DNASE1: variants seen among roughly 807,000 people sequenced by gnomAD.
DNASE1 encodes deoxyribonuclease-1.
In DNASE1, 40 loss-of-function variants were observed where a neutral mutation model predicts 33.9. That is an observed-to-expected ratio of 1.18 (90% CI 0.92 to 1.54). The LOEUF (loss-of-function observed/expected upper bound fraction) is 1.54, where lower values mean the gene tolerates loss of function less well. DNASE1 is among the 40% of genes most tolerant of loss of function. The pLI is 0.00. For synonymous variants in DNASE1, 216 were observed against 160.0 expected (o/e 1.35, Z -2.64); for missense variants, 518 against 372.6 (o/e 1.39, Z -3.21).
downstream of DNASE1, chr16:3,662,814 G>T: frequency 6.7e-7 from 1 of 1,502,178 alleles, no homozygotes; most frequent in Non-Finnish European, 9.2e-7. Flanking sequence ...GGTACTGGGA[G>T]CCACCAGCTG....
chr16:3,665,446 A>C (rs543884342), exon 10 of DNASE1: 1 of 154,206 alleles, frequency 6.5e-6, no homozygotes. Context: ...TATCTCAATA[A>C]AAAATGGACA....
chr16:3,627,881 C>A (rs2041565061), intron 1 of DNASE1, among the ~76,000 whole-genome samples: 1 of 136,946 alleles, frequency 7.3e-6, no homozygotes, highest in Non-Finnish European at 1.5e-5. Context: ...ATGGTGTTGG[C>A]TATCTGGGGT....
upstream of DNASE1, among the ~76,000 whole-genome samples, chr16:3,639,656 TTATGC>T (rs1482946546): frequency 1.3e-5 from 2 of 152,274 alleles, no homozygotes; most frequent in Non-Finnish European, 2.9e-5. Context: ...TTAATAATTC[TTATGC>T]TAAACTTCCC....
intron 1 of DNASE1, among the ~76,000 whole-genome samples, chr16:3,627,985 T>C (rs55685525): frequency 0.061 from 9,256 of 151,222 alleles, 302 homozygotes; most frequent in Admixed American, 0.073. Context: ...TGCTTCAGTT[T>C]ACATATGAAT....
intron 1 of DNASE1, among the ~76,000 whole-genome samples, chr16:3,616,640 A>G (rs2151153916): frequency 7.5e-6 from 1 of 133,804 alleles, no homozygotes; most frequent in African/African-American, 2.9e-5. Context: ...AATTAAATAA[A>G]TAAATAAATA....
At chr16:3,619,526 T>G (rs1041229473) in intron 1 of DNASE1, among the ~76,000 whole-genome samples, 43 of 148,320 alleles carry the variant, frequency 2.9e-4, no homozygotes, top group African/African-American at 9.0e-4. Context: ...CACGCCTAGC[T>G]CCATTTTTGT....
chr16:3,644,904 G>A lies in DNASE1; in HGVS notation c.-86+1868G>A, dbSNP rs180740669. 2.0e-5 allele frequency among the ~76,000 whole-genome samples: 3 copies of A among 151,830 alleles called. No individual in the cohort carries two copies. The East Asian group carries it at 5.9e-4, about 30-fold the overall frequency. On this transcript the variant is annotated intron_variant, in intron 1 of 9. Transcript: ENST00000407479. The stretch of plus-strand genomic sequence containing the variant: ...AGCACTTTGGGAGGCCAAGGCAGGC[G>A]GATCACTTGGGCTTAGGAGTTCGAG...
At chr16:3,630,636 T>C (rs1218059954) in intron 1 of DNASE1, among the ~76,000 whole-genome samples, 2 of 152,206 alleles carry the variant, frequency 1.3e-5, no homozygotes, top group East Asian at 1.9e-4. Context: ...TTTTGTCTTA[T>C]AGTAATAGAG....
chr16:3,645,475 A>G (rs887022724), intron 1 of DNASE1, among the ~76,000 whole-genome samples: 14 of 152,244 alleles, frequency 9.2e-5, no homozygotes, highest in Non-Finnish European at 1.6e-4. Context: ...CGGGTGTGCT[A>G]ACCTCCCTGG....
At chr16:3,654,162 G>A (rs1334582685), upstream of DNASE1, 9 of 393,280 alleles carry the variant, frequency 2.3e-5, no homozygotes, top group Admixed American at 4.0e-4. Flanking sequence ...TGGACCTGAG[G>A]CCTGGCCTTT....
At chr16:3,619,226 G>C (rs925399694) in intron 1 of DNASE1, among the ~76,000 whole-genome samples, 18 of 152,068 alleles carry the variant, frequency 1.2e-4, no homozygotes, top group Non-Finnish European at 1.9e-4. Flanking sequence ...AGTAGAGAAA[G>C]GGTTTTGCCA....
intron 1 of DNASE1, among the ~76,000 whole-genome samples, chr16:3,621,794 A>G (rs2041323246): frequency 1.3e-5 from 2 of 152,228 alleles, no homozygotes; most frequent in South Asian, 4.1e-4. Flanking sequence ...GGTGCATTGA[A>G]CATACTTGTA....
intron 1 of DNASE1, among the ~76,000 whole-genome samples, chr16:3,632,775 G>T (rs1348906865): frequency 6.6e-6 from 1 of 151,894 alleles, no homozygotes; most frequent in African/African-American, 2.4e-5. Flanking sequence ...TAGTAAAGAC[G>T]GGGTTTTACC....
At chr16:3,656,548 T>A in intron 4 of DNASE1, 90 bp from the exon 5 acceptor site, 1 of 1,093,614 alleles carries the variant, frequency 9.1e-7, no homozygotes, top group South Asian at 1.3e-5. Context: ...CGCCCTCCTG[T>A]CGCCTGGGAC....
At chr16:3,663,948 A>G in exon 10 of DNASE1, 1 of 347,842 alleles carries the variant, frequency 2.9e-6, no homozygotes, top group East Asian at 6.0e-5. Flanking sequence ...CTGTAGTCCC[A>G]GCTACTCAGG....
At chr16:3,648,420 G>T (rs892998540) in intron 1 of DNASE1, among the ~76,000 whole-genome samples, 1 of 152,052 alleles carries the variant, frequency 6.6e-6, no homozygotes, top group Non-Finnish European at 1.5e-5. Flanking sequence ...AAATTAGCTG[G>T]GCGTGGTGGC....
rs1331781601 is a variant in DNASE1, at chr16:3,621,755, G to C, written c.-1359+9749G>C. ...TATCACCTATCAAGGGACATTAGAT[G>C]GCTTTCATTTCCTTCTACAATGGCT... On this transcript the variant is annotated intron_variant and NMD_transcript_variant, in intron 1 of 11. Transcript: ENST00000570769. Among the ~76,000 whole-genome samples the C allele has an allele frequency of 3.3e-5, 5 of 152,236 alleles. No individual in the cohort carries two copies. The East Asian group carries it at 5.8e-4, about 18-fold the overall frequency.
At chr16:3,626,253 A>G (rs901988607) in intron 1 of DNASE1, among the ~76,000 whole-genome samples, 1 of 152,208 alleles carries the variant, frequency 6.6e-6, no homozygotes, top group African/African-American at 2.4e-5. Flanking sequence ...CAACAGGTAT[A>G]TGAAGAAGTG....
chr16:3,625,578 G>A (rs554986799), intron 1 of DNASE1, among the ~76,000 whole-genome samples: 2 of 151,806 alleles, frequency 1.3e-5, no homozygotes, highest in East Asian at 1.9e-4. Flanking sequence ...AATCATAATC[G>A]CCTTTCTGCA....
Sources: allele counts gnomAD v4.1 joint callset (sites outside exome capture counted in the v4.1 genomes callset), GRCh38; gene constraint gnomAD v4.1.1; transcripts MANE v1.5; gene names NCBI Gene and HGNC (gene_info 2026-07-23, HGNC 2026-07-21).